EHBP1: variants seen among roughly 807,000 people sequenced by gnomAD.
The protein encoded by EHBP1 is EH domain-binding protein 1.
In EHBP1, 55 loss-of-function variants were observed where a neutral mutation model predicts 144.0. The ratio of observed to expected loss-of-function variants is 0.38; its 90% CI spans 0.31 to 0.48. The LOEUF is 0.48. EHBP1 is among the 20% of genes least tolerant of loss of function. The pLI, the probability that EHBP1 is intolerant of heterozygous loss-of-function variation, is 0.98. For synonymous variants in EHBP1, 469 were observed against 472.7 expected (o/e 0.99, Z 0.10); for missense variants, 1,200 against 1,364.2 (o/e 0.88, Z 1.90).
At chr2:62,751,502 G>A (rs184951870) in intron 3 of EHBP1, among the ~76,000 whole-genome samples, 6 of 152,088 alleles carry the variant, frequency 3.9e-5, no homozygotes, top group South Asian at 2.1e-4. Flanking sequence ...GCCTCATAAA[G>A]TGAGTTAGGG....
chr2:62,948,981 C>G lies in EHBP1; in HGVS notation c.2135C>G (p.Ser712Ter). 3 of 1,613,946 alleles carry G rather than the reference C, an allele frequency of 1.9e-6. No homozygotes were observed. The highest frequency in any genetic ancestry group is 2.5e-6 in the Non-Finnish European group (3 of 1,179,936). Residue 712 changes from serine (S) to a stop codon, truncating the protein, a stop_gained, in exon 13 of 23, where the codon TCA (serine) becomes TGA (stop). Transcript: ENST00000431489. LOFTEE classifies it high-confidence loss of function. The stretch of plus-strand genomic sequence containing the variant: ...AATTCCAGATCCTTAGAATGCAGAT[C>G]AGATCCAGAATCTCCTATCAAAAAA... ...LENSRSLECR[S>*]DPESPIKKTS...
chr2:62,911,681 C>T (rs1048323592), intron 10 of EHBP1, among the ~76,000 whole-genome samples: 2 of 152,072 alleles, frequency 1.3e-5, no homozygotes, highest in Admixed American at 6.5e-5. Context: ...AGGCTGGTCT[C>T]GAACTCCTGA....
chr2:62,787,394 G>GCC (rs72201800), intron 5 of EHBP1, among the ~76,000 whole-genome samples: 25 of 70,508 alleles, frequency 3.5e-4, no homozygotes, highest in East Asian at 2.0e-3. Flanking sequence ...CTGCACCGCT[G>GCC]CCCCCCCCCC....
chr2:62,980,135 C>T (rs2058897894), intron 15 of EHBP1, among the ~76,000 whole-genome samples: 1 of 152,116 alleles, frequency 6.6e-6, no homozygotes. Flanking sequence ...CAGCCATCCC[C>T]AACGTTTTTG....
rs994604108 is a variant in EHBP1 at position 62,975,174 on chromosome 2, A to G, written c.2461-4014A>G. Among the ~76,000 whole-genome samples, 6 of 152,330 alleles carry G rather than the reference A, an allele frequency of 3.9e-5. No individual in the cohort carries two copies. In the South Asian group the frequency reaches 1.2e-3, roughly 32 times the overall value. On this transcript the variant is annotated intron_variant, in intron 14 of 22. Transcript: ENST00000431489. Reference sequence around the variant, plus strand: ...GCTAGAATGGTCAACTGAAGCACCTACATGTAACTTAGTCCTCTCGCTATA... The same window carrying G: ...GCTAGAATGGTCAACTGAAGCACCTGCATGTAACTTAGTCCTCTCGCTATA...
At chr2:62,826,424 C>G (rs765570839) in intron 6 of EHBP1, 156 bp downstream of exon 6, 1 of 577,488 alleles carries the variant, frequency 1.7e-6, no homozygotes, top group Non-Finnish European at 2.8e-6. Context: ...CTCCTTGTTA[C>G]TTATAAATAG....
At chr2:62,994,900 T>G (rs540205393) in intron 18 of EHBP1, among the ~76,000 whole-genome samples, 1 of 152,174 alleles carries the variant, frequency 6.6e-6, no homozygotes, top group East Asian at 1.9e-4. Context: ...TTAACTATAC[T>G]ATGTACTCAC....
intron 7 of EHBP1, among the ~76,000 whole-genome samples, chr2:62,838,655 G>T (rs1479884449): frequency 1.3e-5 from 2 of 150,482 alleles, no homozygotes; most frequent in East Asian, 3.9e-4. Context: ...ATGATAAAGG[G>T]GATATCACCA....
chr2:63,030,408 T>TACAC lies in EHBP1; in HGVS notation c.3104-7109_3104-7106dup, dbSNP rs200310215. ...TTTAATATTTAGCTATATATATATA[T>TACAC]ACACACACACACACACACACATTTA... On this transcript the variant is annotated intron_variant, in intron 19 of 22. Transcript: ENST00000431489. 1.9e-3 allele frequency among the ~76,000 whole-genome samples: 284 copies of TACAC among 150,266 alleles called. 1 individual carries two copies. Among genetic ancestry groups the TACAC allele is most frequent in the African/African-American group, 5.9e-3 (244 of 41,050 alleles).
At chr2:62,862,559 A>G (rs926155468) in intron 8 of EHBP1, among the ~76,000 whole-genome samples, 2 of 152,312 alleles carry the variant, frequency 1.3e-5, no homozygotes, top group African/African-American at 4.8e-5. Flanking sequence ...CAGAGGTTGC[A>G]GTGAGCCGAG....
intron 19 of EHBP1, among the ~76,000 whole-genome samples, chr2:62,999,797 C>T (rs1281318343): frequency 5.3e-5 from 8 of 152,048 alleles, no homozygotes; most frequent in Admixed American, 4.6e-4. Context: ...CTGTCTGAAT[C>T]TCTGTTTTCA....
At chr2:62,780,072 T>C (rs2042321782) in intron 5 of EHBP1, among the ~76,000 whole-genome samples, 1 of 152,180 alleles carries the variant, frequency 6.6e-6, no homozygotes, top group Non-Finnish European at 1.5e-5. Context: ...AAAGGTGACC[T>C]ACCAGCAAAT....
intron 19 of EHBP1, among the ~76,000 whole-genome samples, chr2:63,029,382 G>A (rs2061133787): frequency 1.3e-5 from 2 of 151,386 alleles, no homozygotes; most frequent in African/African-American, 4.9e-5. Flanking sequence ...TTGTGTCCAT[G>A]AAATTGTTTA....
intron 10 of EHBP1, among the ~76,000 whole-genome samples, chr2:62,935,103 G>A (rs182790156): frequency 6.2e-4 from 94 of 152,164 alleles, no homozygotes; most frequent in African/African-American, 2.1e-3. Flanking sequence ...GCTGAGGTGG[G>A]TGGATCACGA....
At chr2:62,987,385 A>G (rs577051328) in intron 15 of EHBP1, among the ~76,000 whole-genome samples, 36 of 152,266 alleles carry the variant, frequency 2.4e-4, no homozygotes, top group African/African-American at 8.7e-4. Flanking sequence ...TTTCCATTGT[A>G]TAAAGGCATT....
chr2:62,681,100 G>A (rs1436843386), intron 1 of EHBP1, among the ~76,000 whole-genome samples: 1 of 151,580 alleles, frequency 6.6e-6, no homozygotes, highest in Non-Finnish European at 1.5e-5. Flanking sequence ...ATCACCTGAG[G>A]TCAGGAGTTT....
chr2:62,773,488 CAATA>C (rs1015897537), intron 5 of EHBP1, among the ~76,000 whole-genome samples: 56 of 151,858 alleles, frequency 3.7e-4, no homozygotes, highest in Non-Finnish European at 6.8e-4. Context: ...AGTAGCTTCT[CAATA>C]AATATTTATT....
chr2:62,736,473 C>T (rs1329404935), intron 2 of EHBP1, among the ~76,000 whole-genome samples: 1 of 152,154 alleles, frequency 6.6e-6, no homozygotes, highest in Non-Finnish European at 1.5e-5. Flanking sequence ...ATCCACCTGC[C>T]TTGGCCTCGC....
chr2:62,783,096 G>A (rs998496424), intron 5 of EHBP1, among the ~76,000 whole-genome samples: 21 of 152,176 alleles, frequency 1.4e-4, no homozygotes, highest in African/African-American at 4.3e-4. Flanking sequence ...AAATCCAACA[G>A]GGCAGTCATT....
Sources: allele counts gnomAD v4.1 joint callset (sites outside exome capture counted in the v4.1 genomes callset), GRCh38; gene constraint gnomAD v4.1.1; transcripts MANE v1.5; gene names NCBI Gene and HGNC (gene_info 2026-07-23, HGNC 2026-07-21).